CFHR3: variants seen among roughly 807,000 people sequenced by gnomAD.
CFHR3 encodes complement factor H related 3.
A neutral mutation model predicts 36.0 loss-of-function variants in CFHR3; 22 were observed. The ratio of observed to expected loss-of-function variants is 0.61; its 90% CI spans 0.44 to 0.87. The LOEUF (loss-of-function observed/expected upper bound fraction) is 0.87, where lower values mean the gene tolerates loss of function less well. CFHR3 is among the 40% of genes least tolerant of loss of function. The pLI, the probability that CFHR3 is intolerant of heterozygous loss-of-function variation, is 0.00. For missense variants in CFHR3, 276 were observed against 401.3 expected, an observed-to-expected ratio of 0.69 and a Z score of 2.67; for synonymous variants, 97 against 137.4, an observed-to-expected ratio of 0.71 and a Z score of 2.06.
chr1:196,786,908 G>A (rs1211137975), intron 3 of CFHR3, among the ~76,000 whole-genome samples: 1 of 137,598 alleles, frequency 7.3e-6, no homozygotes, highest in Non-Finnish European at 1.5e-5. Flanking sequence ...GCTCACGCTG[G>A]GAGCTGTAGA....
Position 196,779,480 on chromosome 1 carries a change from C to G in CFHR3, c.253+124C>G. 2.4e-6 allele frequency: 2 copies of G among 822,730 alleles called. 1 individual carries two copies. Among genetic ancestry groups the G allele is most frequent in the Non-Finnish European group, 3.8e-6 (2 of 526,154 alleles). The allele number at this position is 822,730 out of a possible 1,614,324, so 51.0% of individuals were successfully genotyped here. A position where few individuals can be genotyped will look rare whatever the true frequency, so the allele number is the denominator to read the frequency against. On this transcript the variant is annotated intron_variant, in intron 2 of 5. Transcript: ENST00000367425. ...AGGGCCAAGAAATGAGTTGTTCAAG[C>G]AAAATGACCAAAATAGATCTTTTCT...
intron 1 of CFHR3, 115 bp downstream of exon 1, chr1:196,775,059 C>G (rs1653657840): frequency 2.2e-6 from 2 of 893,572 alleles, no homozygotes; most frequent in Admixed American, 4.1e-5. Flanking sequence ...ATTCACTATG[C>G]TAGTAGAAGT....
chr1:196,780,056 C>T, intron 3 of CFHR3, 83 bp downstream of exon 3: 2 of 1,479,084 alleles, frequency 1.4e-6, no homozygotes, highest in Non-Finnish European at 1.8e-6. Context: ...TCTATATTAA[C>T]TGTGGCAAAA....
Position 196,774,952 on chromosome 1 carries a change from A to G in CFHR3, c.58+8A>G, listed in dbSNP as rs191734103. The G allele has an allele frequency of 1.4e-4, 206 of 1,520,532 alleles. 6 individuals are homozygous for G. In the Admixed American group the frequency reaches 2.9e-3, roughly 22 times the overall value. 94.2% of individuals were successfully genotyped at this position (1,520,532 alleles called of 1,614,324 possible). The stretch of plus-strand genomic sequence containing the variant: ...CCTGTGCTAATGGACAAGGTAAGTT[A>G]AAAGAGATCTAAACACTCAGCTTCC... On this transcript the variant is annotated splice_region_variant and intron_variant, in intron 1 of 5. Transcript: ENST00000367425.
rs1221085198 is a variant in CFHR3, at chr1:196,777,200, A to G, written c.59-1962A>G. On this transcript the variant is annotated intron_variant, in intron 1 of 5. Coordinates refer to ENST00000367425, the MANE Select transcript of CFHR3 (RefSeq NM_021023.6). Reference sequence around the variant, plus strand: ...CTATTATAATGTTCATTGAATTTGTATTGACCAATATTTCTTCCATCAACT... The same window carrying G: ...CTATTATAATGTTCATTGAATTTGTGTTGACCAATATTTCTTCCATCAACT... Among the ~76,000 whole-genome samples the G allele has an allele frequency of 1.5e-5, 2 of 137,178 alleles. 1 individual carries two copies. The highest frequency in any genetic ancestry group is 6.1e-5 in the African/African-American group (2 of 32,910). 90.0% of individuals were successfully genotyped at this position (137,178 alleles called of 152,430 possible).
At chr1:196,792,501 G>A (rs1478376533) in intron 5 of CFHR3, among the ~76,000 whole-genome samples, 4 of 111,194 alleles carry the variant, frequency 3.6e-5, no homozygotes, top group Admixed American at 8.7e-5. Context: ...GAACAAACCT[G>A]CACATCCTGC....
At position 196,790,649 on chromosome 1, in the gene CFHR3, G is replaced by A. The variant is rs1170334651; in HGVS notation, c.796+422G>A. Among the ~76,000 whole-genome samples, 9 of 134,842 alleles carry A rather than the reference G, an allele frequency of 6.7e-5. 1 individual carries two copies. The highest frequency in any genetic ancestry group is 2.5e-4 in the African/African-American group (8 of 32,050). The allele number at this position is 134,842 out of a possible 152,430, so 88.5% of individuals were successfully genotyped here. A position where few individuals can be genotyped will look rare whatever the true frequency, so the allele number is the denominator to read the frequency against. On this transcript the variant is annotated intron_variant, in intron 5 of 5. Transcript: ENST00000367425. ...TGAGGCAGGAGAATCATTTGAACCC[G>A]GGAGGCAGAGGTTGCAGTGAGTGGA...
At chr1:196,786,098 C>G (rs1267485195) in intron 3 of CFHR3, among the ~76,000 whole-genome samples, 1 of 136,868 alleles carries the variant, frequency 7.3e-6, no homozygotes, top group Non-Finnish European at 1.5e-5. Flanking sequence ...GTATCTGCAG[C>G]AGTGGCTGCA....
At chr1:196,785,792 T>G (rs1432491650) in intron 3 of CFHR3, among the ~76,000 whole-genome samples, 1 of 137,234 alleles carries the variant, frequency 7.3e-6, no homozygotes, top group African/African-American at 3.0e-5. Context: ...TGAAGCCTTC[T>G]TTTCTCAACT....
chr1:196,788,794 G>A lies in CFHR3; in HGVS notation c.613+396G>A. The A allele has an allele frequency of 2.1e-6, 3 of 1,457,178 alleles. 1 individual carries two copies. Among genetic ancestry groups the A allele is most frequent in the South Asian group, 1.3e-5 (1 of 74,472 alleles). 90.3% of individuals were successfully genotyped at this position (1,457,178 alleles called of 1,614,324 possible). A position where few individuals can be genotyped will look rare whatever the true frequency, so the allele number is the denominator to read the frequency against. ...ACGCTCAGAAAAGTTGTACATGTCG[G>A]GGGAGAAATGAGTGCTTAATTCTGA... On this transcript the variant is annotated intron_variant, in intron 4 of 5. Coordinates refer to ENST00000367425, the MANE Select transcript of CFHR3 (RefSeq NM_021023.6).
chr1:196,788,671 A>C, intron 4 of CFHR3: 1 of 1,450,790 alleles, frequency 6.9e-7, no homozygotes, highest in Non-Finnish European at 9.2e-7. Context: ...GCTGCATGAG[A>C]GTATCAGCAA....
Position 196,794,628 on chromosome 1 carries a change from C to G in CFHR3, c.*1115C>G, listed in dbSNP as rs753022965. ...AGTTTTGCTTCAGATTTTTTTTTGT[C>G]TTTTCTCCTGTTAATTGCCTTCACT... is the stretch of plus-strand genomic sequence containing the variant. On this transcript the variant is annotated 3_prime_UTR_variant, in exon 6 of 6. Coordinates refer to ENST00000367425, the MANE Select transcript of CFHR3 (RefSeq NM_021023.6). The G allele has an allele frequency of 7.8e-6, 3 of 385,050 alleles. 1 individual carries two copies. Among genetic ancestry groups the G allele is most frequent in the Non-Finnish European group, 1.5e-5 (3 of 198,618 alleles). The allele number at this position is 385,050 out of a possible 1,614,324, so 23.9% of individuals were successfully genotyped here. A position where few individuals can be genotyped will look rare whatever the true frequency, so the allele number is the denominator to read the frequency against.
At chr1:196,785,158 T>G (rs1217227442) in intron 3 of CFHR3, among the ~76,000 whole-genome samples, 1 of 137,422 alleles carries the variant, frequency 7.3e-6, no homozygotes, top group Non-Finnish European at 1.5e-5. Flanking sequence ...TTGTAGAGTT[T>G]CTGCTGAGAG....
intron 1 of CFHR3, among the ~76,000 whole-genome samples, chr1:196,777,982 TAA>T (rs202127437): frequency 0.017 from 1,507 of 89,820 alleles, 236 homozygotes; most frequent in African/African-American, 0.069. Context: ...ACAAGACTGT[TAA>T]AAAAAAAAAA....
chr1:196,794,558 T>C lies in CFHR3; in HGVS notation c.*1045T>C, dbSNP rs1307262178. On this transcript the variant is annotated 3_prime_UTR_variant, in exon 6 of 6. Coordinates refer to ENST00000367425, the MANE Select transcript of CFHR3 (RefSeq NM_021023.6). ...TACATTTGTATTTTCTTAATACAAA[T>C]ATTTTGAAAGTTTCTTCATATATGG... The C allele has an allele frequency of 5.3e-6, 2 of 375,528 alleles. 1 individual carries two copies. The highest frequency in any genetic ancestry group is 6.7e-5 in the African/African-American group (2 of 29,722). 23.3% of individuals were successfully genotyped at this position (375,528 alleles called of 1,614,324 possible). A position where few individuals can be genotyped will look rare whatever the true frequency, so the allele number is the denominator to read the frequency against.
chr1:196,779,281 G>T lies in CFHR3; in HGVS notation c.178G>T (p.Glu60Ter). ...YYSYYCDEHFETPSGSYWDYI... is the reference protein window; with the variant it reads ...YYSYYCDEHF ...CTCCTATTACTGTGATGAACATTTTGAGACTCCTTCAGGAAGTTACTGGGA... is the reference window on the plus strand; with the variant it reads ...CTCCTATTACTGTGATGAACATTTTTAGACTCCTTCAGGAAGTTACTGGGA... Residue 60 changes from glutamate (E) to a stop codon, truncating the protein, a stop_gained, in exon 2 of 6, where the codon GAG becomes TAG. Transcript: ENST00000367425. LOFTEE classifies it high-confidence loss of function. The T allele has an allele frequency of 6.5e-7, 1 of 1,529,522 alleles. No individual in the cohort carries two copies. Among genetic ancestry groups the T allele is most frequent in the Non-Finnish European group, 8.8e-7 (1 of 1,130,116 alleles). The allele number at this position is 1,529,522 out of a possible 1,614,324, so 94.7% of individuals were successfully genotyped here.
Position 196,787,953 on chromosome 1 carries a change from C to T in CFHR3, c.431-263C>T, listed in dbSNP as rs401188. On this transcript the variant is annotated intron_variant, in intron 3 of 5. Transcript: ENST00000367425. ...GACTGGAGAGTCTCCTAGATCTGCA[C>T]TCCTCAAGGACTGCCAGAGCTCTGT... Among the ~76,000 whole-genome samples the T allele has an allele frequency of 0.28, 38,336 of 135,698 alleles. 10,899 individuals are homozygous for T. The highest frequency in any genetic ancestry group is 0.5 in the East Asian group (2,542 of 5,042). The allele number at this position is 135,698 out of a possible 152,430, so 89.0% of individuals were successfully genotyped here. A position where few individuals can be genotyped will look rare whatever the true frequency, so the allele number is the denominator to read the frequency against.
intron 3 of CFHR3, among the ~76,000 whole-genome samples, chr1:196,783,491 G>T: frequency 7.6e-6 from 1 of 131,204 alleles, no homozygotes; most frequent in Non-Finnish European, 1.6e-5. Flanking sequence ...GCCTGTTATT[G>T]GTCTATTCAG....
At chr1:196,793,146 A>T (rs1654477228) in intron 5 of CFHR3, among the ~76,000 whole-genome samples, 171 bp from the exon 6 acceptor site, 1 of 134,816 alleles carries the variant, frequency 7.4e-6, no homozygotes, top group Non-Finnish European at 1.6e-5. Context: ...AGTGCAACTG[A>T]ACTTATTATA....
Sources: allele counts gnomAD v4.1 joint callset (sites outside exome capture counted in the v4.1 genomes callset), GRCh38; gene constraint gnomAD v4.1.1; transcripts MANE v1.5; gene names NCBI Gene and HGNC (gene_info 2026-07-23, HGNC 2026-07-21).